DIS3L2: variants seen among roughly 807,000 people sequenced by gnomAD.
DIS3L2 encodes the protein DIS3 like 3'-5' exoribonuclease 2.
Under a neutral mutation model 97.5 loss-of-function variants are expected in DIS3L2, and 34 were observed. The observed-to-expected ratio is 0.35, with a 90% CI of 0.27 to 0.46. The LOEUF (loss-of-function observed/expected upper bound fraction) is 0.46. Ranked by LOEUF, DIS3L2 falls within the 20% of genes least tolerant of loss-of-function variation. DIS3L2 has a pLI of 1.00. For synonymous variants in DIS3L2, 435 were observed against 445.2 expected (o/e 0.98, Z 0.29); for missense variants, 1,038 against 1,146.0 (o/e 0.91, Z 1.36).
chr2:232,051,836 AAAAG>A (rs1695415532), intron 5 of DIS3L2, among the ~76,000 whole-genome samples: 1 of 150,010 alleles, frequency 6.7e-6, no homozygotes, highest in Admixed American at 6.6e-5. Context: ...AAAAAAAAAA[AAAAG>A]AACTAGCTTT....
chr2:232,286,633 C>T (rs1329744375), intron 13 of DIS3L2, among the ~76,000 whole-genome samples: 29 of 152,306 alleles, frequency 1.9e-4, no homozygotes, highest in Non-Finnish European at 4.4e-5. Flanking sequence ...TGAGTTTCCG[C>T]TATAGCTAGG....
At chr2:232,147,027 A>C (rs1237732667) in intron 8 of DIS3L2, among the ~76,000 whole-genome samples, 1 of 152,194 alleles carries the variant, frequency 6.6e-6, no homozygotes, top group Non-Finnish European at 1.5e-5. Flanking sequence ...AAATACATAA[A>C]AAATTGAAAA....
At chr2:232,143,456 T>C (rs1297347497) in intron 8 of DIS3L2, among the ~76,000 whole-genome samples, 1 of 152,128 alleles carries the variant, frequency 6.6e-6, no homozygotes, top group Admixed American at 6.6e-5. Context: ...GGAGGAAAAC[T>C]TTCTCTCTTA....
chr2:232,242,522 C>G (rs967903000), intron 11 of DIS3L2, among the ~76,000 whole-genome samples: 2 of 152,188 alleles, frequency 1.3e-5, no homozygotes, highest in Non-Finnish European at 2.9e-5. Context: ...ATTGATTCTT[C>G]CCTTCTGTGG....
intron 8 of DIS3L2, among the ~76,000 whole-genome samples, chr2:232,155,319 G>T (rs1690460873): frequency 6.6e-6 from 1 of 151,896 alleles, no homozygotes; most frequent in Admixed American, 6.6e-5. Context: ...GCTTCCTTTT[G>T]TCCTCCCTCC....
intron 12 of DIS3L2, among the ~76,000 whole-genome samples, chr2:232,258,846 C>A (rs745708038): frequency 1.3e-5 from 2 of 152,132 alleles, no homozygotes; most frequent in South Asian, 4.1e-4. Flanking sequence ...TCCGAGGACC[C>A]CCTCCATTTG....
intron 10 of DIS3L2, among the ~76,000 whole-genome samples, chr2:232,222,086 G>A (rs1447279710): frequency 6.6e-6 from 1 of 151,806 alleles, no homozygotes; most frequent in African/African-American, 2.4e-5. Flanking sequence ...GGGATTACAG[G>A]CACACGCCAC....
At chr2:232,334,975 G>A (rs988473271) in intron 19 of DIS3L2, 5 of 528,384 alleles carry the variant, frequency 9.5e-6, no homozygotes, top group Admixed American at 6.5e-5. Context: ...GCCCCTCCAT[G>A]GCCAGTACAG....
Position 232,025,203 on chromosome 2 carries a change from C to T in DIS3L2, c.264+873C>T, listed in dbSNP as rs546116216. Among the ~76,000 whole-genome samples the T allele has an allele frequency of 4.6e-5, 7 of 152,190 alleles. No homozygotes were observed. In the East Asian group the frequency reaches 7.7e-4, roughly 17 times the overall value. On this transcript the variant is annotated intron_variant, in intron 4 of 20. Coordinates refer to ENST00000325385, the MANE Select transcript of DIS3L2 (RefSeq NM_152383.5). Reference sequence around the variant, plus strand: ...GATTGAGCACCCCTTATTTGAAACACTTGGGACCAGAGGTATTTTGGATTT... The same window carrying T: ...GATTGAGCACCCCTTATTTGAAACATTTGGGACCAGAGGTATTTTGGATTT...
At chr2:232,053,758 G>A (rs768671460) in intron 5 of DIS3L2, among the ~76,000 whole-genome samples, 1 of 152,208 alleles carries the variant, frequency 6.6e-6, no homozygotes, top group Non-Finnish European at 1.5e-5. Context: ...GCATGGAGCT[G>A]CCACACCCTC....
At chr2:232,329,785 T>TCCCGGGGGGGGGCCC in intron 14 of DIS3L2, 28 bp from the exon 15 acceptor site, 85 of 967,078 alleles carry the variant, frequency 8.8e-5, no homozygotes, top group Admixed American at 1.0e-4. Context: ...ACCCCAGCGG[T>TCCCGGGGGGGGGCCC]CCCTCCCATC....
At chr2:232,079,684 T>C (rs915223536) in intron 5 of DIS3L2, among the ~76,000 whole-genome samples, 4 of 150,192 alleles carry the variant, frequency 2.7e-5, no homozygotes, top group South Asian at 2.1e-4. Context: ...AAGGTGGGGC[T>C]ATTTCAGTTA....
rs1224786886 is a variant in DIS3L2, at chr2:232,091,474, T to G, written c.601+3753T>G. Among the ~76,000 whole-genome samples, 5 of 152,320 alleles carry G rather than the reference T, an allele frequency of 3.3e-5. No individual in the cohort carries two copies. In the East Asian group the frequency reaches 9.6e-4, roughly 29 times the overall value. Reference sequence around the variant, plus strand: ...CCTCCAATTCCATTAATGTTGCAAATGACAGGATCACATTTTTTTTAAATG... The same window carrying G: ...CCTCCAATTCCATTAATGTTGCAAAGGACAGGATCACATTTTTTTTAAATG... On this transcript the variant is annotated intron_variant, in intron 6 of 20. Coordinates refer to ENST00000325385, the MANE Select transcript of DIS3L2 (RefSeq NM_152383.5).
intron 1 of DIS3L2, among the ~76,000 whole-genome samples, chr2:232,010,523 CT>C (rs201548304): frequency 6.6e-6 from 1 of 151,240 alleles, no homozygotes; most frequent in African/African-American, 2.4e-5. Context: ...ATTTTGCCCT[CT>C]TTTTTTTTCT....
At chr2:232,205,017 G>A (rs968207475) in intron 9 of DIS3L2, among the ~76,000 whole-genome samples, 1 of 152,024 alleles carries the variant, frequency 6.6e-6, no homozygotes, top group African/African-American at 2.4e-5. Flanking sequence ...GGAGTCTGCT[G>A]CTACAGTAGA....
intron 8 of DIS3L2, among the ~76,000 whole-genome samples, chr2:232,159,935 A>G (rs184533855): frequency 6.6e-6 from 1 of 152,282 alleles, no homozygotes; most frequent in East Asian, 1.9e-4. Flanking sequence ...TTGTTGGACA[A>G]ATCTTGCATT....
At chr2:232,332,554 C>T (rs1695769716) in intron 16 of DIS3L2, among the ~76,000 whole-genome samples, 1 of 151,448 alleles carries the variant, frequency 6.6e-6, no homozygotes, top group Non-Finnish European at 1.5e-5. Flanking sequence ...AGCTCGGGGA[C>T]TGCAGGACAA....
At chr2:232,021,661 G>A (rs1226703548) in intron 3 of DIS3L2, among the ~76,000 whole-genome samples, 1 of 152,030 alleles carries the variant, frequency 6.6e-6, no homozygotes, top group East Asian at 1.9e-4. Flanking sequence ...TTAGTGAATT[G>A]GAGCTTTGAC....
chr2:232,248,498 A>G (rs1031187121), intron 11 of DIS3L2, among the ~76,000 whole-genome samples: 3 of 151,954 alleles, frequency 2.0e-5, no homozygotes, highest in Admixed American at 1.3e-4. Context: ...GAATAGTAGG[A>G]AAAAAAACAA....
Sources: gnomAD v4.1 joint callset for allele counts (sites outside exome capture counted in the v4.1 genomes callset) on GRCh38, gnomAD v4.1.1 for gene constraint, MANE v1.5 for transcripts, NCBI Gene and HGNC (gene_info 2026-07-23, HGNC 2026-07-21) for gene names.